HMBOX1: variants seen among roughly 807,000 people sequenced by gnomAD.
HMBOX1 encodes homeobox containing 1, also known as homeobox-containing protein 1.
Under a neutral mutation model 54.5 loss-of-function variants are expected in HMBOX1, and 14 were observed. The observed-to-expected ratio is 0.26, with a 90% confidence interval of 0.17 to 0.40. HMBOX1 has a LOEUF of 0.40. HMBOX1 is among the 10% of genes least tolerant of loss of function. The probability of loss-of-function intolerance (pLI) is 1.00; values close to 1 mark genes in which losing one functional copy is unlikely to be tolerated. For missense variants in HMBOX1, 332 were observed against 514.4 expected (o/e 0.65, Z 3.43); for synonymous variants, 160 against 181.0 (o/e 0.88, Z 0.93).
At chr8:28,917,449 T>C (rs965488450) in intron 1 of HMBOX1, among the ~76,000 whole-genome samples, 2 of 152,192 alleles carry the variant, frequency 1.3e-5, no homozygotes, top group African/African-American at 4.8e-5. Context: ...TGAAGAGTTT[T>C]TTTTCTAGAA....
intron 3 of HMBOX1, among the ~76,000 whole-genome samples, chr8:28,975,146 T>C (rs1828161591): frequency 6.6e-6 from 1 of 152,178 alleles, no homozygotes; most frequent in South Asian, 2.1e-4. Context: ...GTTCCTTCAT[T>C]GAACAAATTA....
chr8:29,045,243 C>T (rs1805402538), intron 6 of HMBOX1, 118 bp from the exon 7 acceptor site: 14 of 778,056 alleles, frequency 1.8e-5, no homozygotes, highest in Middle Eastern at 4.8e-4. Flanking sequence ...ATTTGACAGC[C>T]TGGACCTAGA....
intron 1 of HMBOX1, among the ~76,000 whole-genome samples, chr8:28,948,497 C>T (rs1239205855): frequency 6.6e-6 from 1 of 152,046 alleles, no homozygotes; most frequent in Non-Finnish European, 1.5e-5. Context: ...TATTTTCTTC[C>T]CCTTCTACAG....
intron 3 of HMBOX1, among the ~76,000 whole-genome samples, chr8:28,972,113 A>G (rs945879483): frequency 1.3e-5 from 2 of 152,212 alleles, no homozygotes; most frequent in Non-Finnish European, 2.9e-5. Flanking sequence ...TGCTAAATCA[A>G]CTATTTTATC....
intron 6 of HMBOX1, among the ~76,000 whole-genome samples, chr8:29,033,902 C>A (rs962782561): frequency 6.6e-6 from 1 of 152,152 alleles, no homozygotes; most frequent in African/African-American, 2.4e-5. Flanking sequence ...CAAGGGAGAT[C>A]AACTTATAGA....
At chr8:29,031,869 G>C (rs1803024596) in intron 6 of HMBOX1, among the ~76,000 whole-genome samples, 1 of 152,200 alleles carries the variant, frequency 6.6e-6, no homozygotes, top group Non-Finnish European at 1.5e-5. Context: ...ACACAGGAGA[G>C]TGGTGCAAGG....
At chr8:28,922,880 T>C (rs1327304398) in intron 1 of HMBOX1, among the ~76,000 whole-genome samples, 3 of 152,188 alleles carry the variant, frequency 2.0e-5, no homozygotes, top group Non-Finnish European at 4.4e-5. Flanking sequence ...TAATTTATTG[T>C]GATTAAAGTG....
At chr8:28,957,267 G>C (rs1235407633) in intron 1 of HMBOX1, among the ~76,000 whole-genome samples, 5 of 152,128 alleles carry the variant, frequency 3.3e-5, no homozygotes, top group Non-Finnish European at 7.3e-5. Flanking sequence ...AGCAATGTGG[G>C]TACAGCTGGA....
chr8:28,892,386 C>T (rs1039313879), intron 1 of HMBOX1, among the ~76,000 whole-genome samples: 2 of 152,056 alleles, frequency 1.3e-5, no homozygotes, highest in African/African-American at 4.8e-5. Context: ...TTTAATAACA[C>T]ACTAGGAGAA....
rs749483685 is a variant in HMBOX1 at position 29,018,846 on chromosome 8, G to A, written c.784G>A (p.Gly262Ser). Reference protein sequence around the residue: ...QTPPPVSATSGTFRLRRGSRF... With the variant: ...QTPPPVSATSSTFRLRRGSRF... ...GCCTCCCCCAGTCTCTGCCACATCTGGTACTTTCCGACTGCGACGAGGGAG... is the reference window on the plus strand; with the variant it reads ...GCCTCCCCCAGTCTCTGCCACATCTAGTACTTTCCGACTGCGACGAGGGAG... Residue 262 changes from glycine to serine, a missense_variant, in exon 6 of 10, where the codon GGT (glycine) becomes AGT (serine). Gly to Ser is a moderately conservative substitution (Grantham distance 56). Coordinates refer to ENST00000287701, the MANE Select transcript of HMBOX1 (RefSeq NM_001135726.3). The A allele has an allele frequency of 1.2e-6, 2 of 1,614,086 alleles. No individual in the cohort carries two copies. The highest frequency in any genetic ancestry group is 8.5e-7 in the Non-Finnish European group (1 of 1,179,984).
intron 9 of HMBOX1, chr8:29,049,260 C>T (rs1361407359): frequency 9.2e-6 from 14 of 1,525,804 alleles, no homozygotes; most frequent in Non-Finnish European, 1.2e-5. Flanking sequence ...GATCGTTATT[C>T]ACCCACATGG....
At chr8:29,007,485 G>C (rs1833630144) in intron 4 of HMBOX1, among the ~76,000 whole-genome samples, 1 of 151,992 alleles carries the variant, frequency 6.6e-6, no homozygotes, top group South Asian at 2.1e-4. Context: ...TAATCACTTA[G>C]GGTTTGGAAA....
chr8:28,988,722 G>A (rs929284880), intron 4 of HMBOX1, among the ~76,000 whole-genome samples: 8 of 151,944 alleles, frequency 5.3e-5, no homozygotes, highest in Non-Finnish European at 8.8e-5. Context: ...TGTTATTCAT[G>A]TATCTTCTTG....
intron 6 of HMBOX1, among the ~76,000 whole-genome samples, chr8:29,034,837 G>A (rs141730296): frequency 2.4e-3 from 359 of 152,224 alleles, no homozygotes; most frequent in African/African-American, 8.2e-3. Context: ...AGCCGGGGCA[G>A]CAGAGTGAGA....
At chr8:28,946,015 C>T (rs955106845) in intron 1 of HMBOX1, among the ~76,000 whole-genome samples, 3 of 149,692 alleles carry the variant, frequency 2.0e-5, no homozygotes, top group Non-Finnish European at 4.4e-5. Flanking sequence ...TGCAATGGCA[C>T]GATCTTGGCT....
intron 5 of HMBOX1, among the ~76,000 whole-genome samples, chr8:29,013,178 C>T (rs1362294658): frequency 6.6e-6 from 1 of 152,178 alleles, no homozygotes; most frequent in African/African-American, 2.4e-5. Flanking sequence ...GCTCTGCCAC[C>T]AGGCTGGAGT....
chr8:29,052,034 A>G lies in HMBOX1; in HGVS notation c.*879A>G. The G allele has an allele frequency of 6.4e-6, 1 of 156,056 alleles. No homozygotes were observed. The highest frequency in any genetic ancestry group is 1.4e-5 in the Non-Finnish European group (1 of 70,524). 9.7% of individuals were successfully genotyped at this position (156,056 alleles called of 1,614,324 possible). On this transcript the variant is annotated 3_prime_UTR_variant, in exon 10 of 10. Transcript: ENST00000287701. ...CACAGTTAGCAGTGCCTGCCTGGAA[A>G]AGTTTTGGAGGTCATCGTGGAAGTT...
rs370126941 is a variant in HMBOX1 at position 29,003,373 on chromosome 8, T to C, written c.587-5699T>C. ...ATGGTATAGAATACCTTGTAACCAC[T>C]AGAATGAAGATTTACAATGTACTAT... On this transcript the variant is annotated intron_variant, in intron 4 of 9. Coordinates refer to ENST00000287701, the MANE Select transcript of HMBOX1 (RefSeq NM_001135726.3). 2.6e-5 allele frequency among the ~76,000 whole-genome samples: 4 copies of C among 151,450 alleles called. No homozygotes were observed. The South Asian group carries it at 6.3e-4, about 24-fold the overall frequency.
chr8:29,028,947 C>G (rs1802487799), intron 6 of HMBOX1, among the ~76,000 whole-genome samples: 1 of 151,840 alleles, frequency 6.6e-6, no homozygotes, highest in African/African-American at 2.4e-5. Flanking sequence ...AAATATTTAC[C>G]CAGGAAGCTC....
Sources: gnomAD v4.1 joint callset for allele counts (sites outside exome capture counted in the v4.1 genomes callset) on GRCh38, gnomAD v4.1.1 for gene constraint, MANE v1.5 for transcripts, NCBI Gene and HGNC (gene_info 2026-07-23, HGNC 2026-07-21) for gene names.